Variants in FMN2 observed in about 807,000 individuals in gnomAD.
FMN2 encodes formin 2.
FMN2 carries 51 observed loss-of-function variants against 142.3 expected under a neutral mutation model. That is an observed-to-expected ratio of 0.36 (90% CI 0.29 to 0.45). The LOEUF is 0.45. FMN2 is among the 20% of genes least tolerant of loss of function. The probability of loss-of-function intolerance (pLI) is 1.00; values close to 1 mark genes in which losing one functional copy is unlikely to be tolerated. For synonymous variants in FMN2, 882 were observed against 869.8 expected, an observed-to-expected ratio of 1.01 and a Z score of -0.25; for missense variants, 1,936 against 2,122.8, an observed-to-expected ratio of 0.91 and a Z score of 1.73.
intron 2 of FMN2, among the ~76,000 whole-genome samples, chr1:240,162,179 A>G (rs935672124): frequency 1.3e-5 from 2 of 151,716 alleles, no homozygotes; most frequent in Non-Finnish European, 2.9e-5. Flanking sequence ...GAAGAAAGCA[A>G]AAGCAGCTGG....
intron 6 of FMN2, among the ~76,000 whole-genome samples, chr1:240,219,893 A>G (rs942218089): frequency 4.6e-5 from 7 of 152,150 alleles, no homozygotes; most frequent in African/African-American, 1.7e-4. Flanking sequence ...TCCTGGGCTC[A>G]GGCAATCTTC....
chr1:240,231,548 A>G (rs1248529471), intron 6 of FMN2, among the ~76,000 whole-genome samples: 1 of 152,238 alleles, frequency 6.6e-6, no homozygotes, highest in Admixed American at 6.5e-5. Flanking sequence ...GGAAAAGCAC[A>G]GCTTCTGAAT....
chr1:240,142,730 A>G (rs1663241647), intron 2 of FMN2: 1 of 1,610,564 alleles, frequency 6.2e-7, no homozygotes, highest in Admixed American at 1.7e-5. Context: ...GGGTAACAGG[A>G]AGAAACTCCT....
chr1:240,436,213 A>G (rs1675364396), intron 15 of FMN2, among the ~76,000 whole-genome samples: 2 of 151,582 alleles, frequency 1.3e-5, no homozygotes, highest in African/African-American at 4.9e-5. Context: ...TCACAGCCTG[A>G]CTCTTTCTCA....
intron 16 of FMN2, among the ~76,000 whole-genome samples, chr1:240,467,991 T>C (rs1676676192): frequency 6.6e-6 from 1 of 152,212 alleles, no homozygotes; most frequent in African/African-American, 2.4e-5. Context: ...TGAATGAAGT[T>C]TCTTTTCATT....
intron 14 of FMN2, among the ~76,000 whole-genome samples, chr1:240,361,666 G>A (rs1174238143): frequency 2.0e-5 from 3 of 152,194 alleles, no homozygotes; most frequent in Non-Finnish European, 4.4e-5. Context: ...AGATTTGAAT[G>A]GTTGGCATGG....
intron 5 of FMN2, among the ~76,000 whole-genome samples, chr1:240,209,264 G>A (rs1666580947): frequency 7.7e-6 from 1 of 130,080 alleles, no homozygotes; most frequent in Non-Finnish European, 1.6e-5. Flanking sequence ...TTTTTTTTTG[G>A]AGGGGGGACG....
chr1:240,359,519 G>C (rs1672389794), intron 14 of FMN2, among the ~76,000 whole-genome samples: 1 of 152,096 alleles, frequency 6.6e-6, no homozygotes, highest in South Asian at 2.1e-4. Context: ...GCTATTGTGT[G>C]GTCTGTGGTC....
At chr1:240,194,151 T>A (rs565258078) in intron 4 of FMN2, among the ~76,000 whole-genome samples, 19 of 152,294 alleles carry the variant, frequency 1.2e-4, no homozygotes, top group Admixed American at 7.2e-4. Context: ...TCTACTTCTA[T>A]TTTTTAATCT....
chr1:240,215,494 GT>G lies in FMN2; in HGVS notation c.4065+4260del, dbSNP rs373224912. Among the ~76,000 whole-genome samples the G allele has an allele frequency of 1.9e-3, 285 of 152,240 alleles. 1 individual carries two copies. Among genetic ancestry groups the G allele is most frequent in the African/African-American group, 6.4e-3 (265 of 41,548 alleles). The stretch of plus-strand genomic sequence containing the variant: ...CAAAGCCTCTGCTCTTCCTAATTAA[GT>G]GATAATTATGGATGTGGAATATTTT... On this transcript the variant is annotated intron_variant, in intron 6 of 17. Transcript: ENST00000319653.
At position 240,162,029 on chromosome 1, in the gene FMN2, G is replaced by A. The variant is rs188529838; in HGVS notation, c.1783-15892G>A. Among the ~76,000 whole-genome samples, 3 of 152,040 alleles carry A rather than the reference G, an allele frequency of 2.0e-5. No individual in the cohort carries two copies. In the East Asian group the frequency reaches 5.8e-4, roughly 29 times the overall value. On this transcript the variant is annotated intron_variant, in intron 2 of 17. Transcript: ENST00000319653. Reference sequence around the variant, plus strand: ...CACATGTAATCCCAGCGCTTTAGGGGGCTGAGATGGAAGGATCTCCTGAGC... The same window carrying A: ...CACATGTAATCCCAGCGCTTTAGGGAGCTGAGATGGAAGGATCTCCTGAGC...
intron 14 of FMN2, 31 bp from the exon 15 acceptor site, chr1:240,392,480 C>T (rs1673636500): frequency 1.3e-6 from 2 of 1,591,738 alleles, no homozygotes; most frequent in East Asian, 2.2e-5. Context: ...TATCATTTAT[C>T]TCATGTACTT....
At chr1:240,346,407 T>G (rs561201582) in intron 13 of FMN2, among the ~76,000 whole-genome samples, 1 of 152,216 alleles carries the variant, frequency 6.6e-6, no homozygotes, top group South Asian at 2.1e-4. Context: ...AATGCGGTAA[T>G]ATTTTCCGAC....
intron 3 of FMN2, among the ~76,000 whole-genome samples, chr1:240,180,913 T>A (rs1430697597): frequency 6.6e-6 from 1 of 151,980 alleles, no homozygotes; most frequent in Non-Finnish European, 1.5e-5. Flanking sequence ...AGTGACATTT[T>A]CTGAAGAAGA....
intron 15 of FMN2, among the ~76,000 whole-genome samples, chr1:240,424,756 A>C (rs998241645): frequency 2.0e-5 from 3 of 152,194 alleles, no homozygotes. Flanking sequence ...TATGTCGACA[A>C]AGCTCCACCA....
At chr1:240,465,330 CTG>C (rs58873062) in intron 16 of FMN2, among the ~76,000 whole-genome samples, 4,297 of 131,376 alleles carry the variant, frequency 0.033, 100 homozygotes, top group Admixed American at 0.06. Context: ...ATGCCTCCCT[CTG>C]TGTGTGTGTG....
intron 14 of FMN2, among the ~76,000 whole-genome samples, chr1:240,384,147 A>G (rs930245396): frequency 6.6e-6 from 1 of 152,058 alleles, no homozygotes; most frequent in Non-Finnish European, 1.5e-5. Flanking sequence ...GAGTCTCCAA[A>G]GGTGGGAAGA....
At chr1:240,231,982 C>A (rs73115038) in intron 6 of FMN2, among the ~76,000 whole-genome samples, 1,767 of 152,288 alleles carry the variant, frequency 0.012, 36 homozygotes, top group African/African-American at 0.04. Context: ...TTCACTTTTT[C>A]AGATAAGAGT....
At chr1:240,149,384 G>A (rs142063909) in intron 2 of FMN2, among the ~76,000 whole-genome samples, 314 of 152,256 alleles carry the variant, frequency 2.1e-3, no homozygotes, top group African/African-American at 7.3e-3. Flanking sequence ...CCTCATATGT[G>A]TGCATAAAAT....
Sources: allele counts gnomAD v4.1 joint callset (sites outside exome capture counted in the v4.1 genomes callset), GRCh38; gene constraint gnomAD v4.1.1; transcripts MANE v1.5; gene names NCBI Gene and HGNC (gene_info 2026-07-23, HGNC 2026-07-21).